The following ACCSL variants were observed in gnomAD, a reference collection of about 807,000 sequenced individuals.
ACCSL encodes the protein 1-aminocyclopropane-1-carboxylate synthase homolog (inactive) like.
A neutral mutation model predicts 61.7 loss-of-function variants in ACCSL; 55 were observed. That is an observed-to-expected ratio of 0.89 (90% CI 0.72 to 1.12). The LOEUF (loss-of-function observed/expected upper bound fraction) is 1.12. Among genes scored for constraint, ACCSL ranks in the 50% most tolerant of loss-of-function variants. The pLI is 0.00. For missense variants in ACCSL, 632 were observed against 698.0 expected (o/e 0.91, Z 1.07); for synonymous variants, 258 against 264.3 (o/e 0.98, Z 0.23).
At chr11:43,999,942 T>C in the ACCSL span, among the ~76,000 whole-genome samples, 2 of 152,306 alleles carry the variant, frequency 1.3e-5, no homozygotes, top group Admixed American at 1.3e-4. Context: ...ACATAGCATT[T>C]ACATTGTATT....
At chr11:43,970,479 C>T in the ACCSL span, among the ~76,000 whole-genome samples, 1 of 152,324 alleles carries the variant, frequency 6.6e-6, no homozygotes, top group South Asian at 2.1e-4. Flanking sequence ...GCTGGGATTA[C>T]AGACGTGGGC....
chr11:44,014,845 G>A, the ACCSL span, among the ~76,000 whole-genome samples: 3 of 152,206 alleles, frequency 2.0e-5, no homozygotes, highest in Admixed American at 6.5e-5. Flanking sequence ...AAAAGGTATG[G>A]GCCTGGGCCT....
chr11:44,024,876 A>G, the ACCSL span, among the ~76,000 whole-genome samples: 5 of 152,110 alleles, frequency 3.3e-5, no homozygotes, highest in African/African-American at 1.2e-4. Context: ...TGTTGGGTGC[A>G]TAGATGCATA....
chr11:44,044,790 C>T (rs1188640994), upstream of ACCSL, among the ~76,000 whole-genome samples: 1 of 152,186 alleles, frequency 6.6e-6, no homozygotes, highest in African/African-American at 2.4e-5. Flanking sequence ...TTTCTCCTTC[C>T]CAACTTCTGT....
At chr11:43,998,553 G>C in the ACCSL span, among the ~76,000 whole-genome samples, 1 of 152,128 alleles carries the variant, frequency 6.6e-6, no homozygotes, top group Non-Finnish European at 1.5e-5. Flanking sequence ...AGGCTCCAGG[G>C]CCAGGCACCA....
the ACCSL span, among the ~76,000 whole-genome samples, chr11:44,022,468 T>C: frequency 5.3e-4 from 80 of 152,310 alleles, 1 homozygote; most frequent in Non-Finnish European, 5.9e-5. Flanking sequence ...TGATTTTGTA[T>C]CTTGAAACTT....
At chr11:44,047,953 A>ATCTG, upstream of ACCSL, 1 of 1,501,750 alleles carries the variant, frequency 6.7e-7, no homozygotes, top group Non-Finnish European at 8.9e-7. Flanking sequence ...AGGGTCCAGG[A>ATCTG]GATCCTCCTT....
the ACCSL span, among the ~76,000 whole-genome samples, chr11:43,983,788 T>C: frequency 2.0e-5 from 3 of 152,030 alleles, no homozygotes; most frequent in Non-Finnish European, 4.4e-5. Flanking sequence ...GTGACCTCCT[T>C]GGAGCCCCAA....
At chr11:44,030,255 G>C in the ACCSL span, among the ~76,000 whole-genome samples, 1 of 150,504 alleles carries the variant, frequency 6.6e-6, no homozygotes, top group African/African-American at 2.4e-5. Flanking sequence ...CAACAAATTT[G>C]AGGAGTCTTG....
At chr11:43,978,814 T>TA in the ACCSL span, among the ~76,000 whole-genome samples, 1 of 88,794 alleles carries the variant, frequency 1.1e-5, no homozygotes, top group Non-Finnish European at 2.3e-5. Flanking sequence ...TTTTTTTTTT[T>TA]ACCAATAAAA....
At chr11:43,936,387 A>C in the ACCSL span, among the ~76,000 whole-genome samples, 1 of 152,226 alleles carries the variant, frequency 6.6e-6, no homozygotes, top group African/African-American at 2.4e-5. Context: ...GGAGGAGATC[A>C]TAAAAGCAAA....
the ACCSL span, among the ~76,000 whole-genome samples, chr11:43,979,718 A>T: frequency 6.6e-6 from 1 of 151,994 alleles, no homozygotes; most frequent in Non-Finnish European, 1.5e-5. Flanking sequence ...GTGGTGGTGC[A>T]TGCCTGTAGT....
At chr11:43,965,451 G>C in the ACCSL span, among the ~76,000 whole-genome samples, 6 of 152,204 alleles carry the variant, frequency 3.9e-5, no homozygotes, top group African/African-American at 1.2e-4. Context: ...AGGAAATAAA[G>C]AACACCTGAG....
chr11:43,940,561 CGTGTTAGCCAGGA>C, the ACCSL span, among the ~76,000 whole-genome samples: 1 of 151,214 alleles, frequency 6.6e-6, no homozygotes, highest in Non-Finnish European at 1.5e-5. Context: ...GGGGTTTCAC[CGTGTTAGCCAGGA>C]TGGTCTCGAT....
intron 8 of ACCSL, 93 bp from the exon 9 acceptor site, chr11:44,055,109 C>T (rs559359773): frequency 1.6e-5 from 14 of 892,274 alleles, no homozygotes; most frequent in South Asian, 3.4e-5. Context: ...AAAGACATGA[C>T]TTAAGATTAC....
the ACCSL span, among the ~76,000 whole-genome samples, chr11:43,956,098 A>G: frequency 6.6e-6 from 1 of 152,168 alleles, no homozygotes; most frequent in African/African-American, 2.4e-5. Flanking sequence ...ATAGAAAAAA[A>G]AAAAAAAAAG....
At chr11:44,057,254 A>G (rs1952677262) in intron 11 of ACCSL, among the ~76,000 whole-genome samples, 1 of 152,276 alleles carries the variant, frequency 6.6e-6, no homozygotes, top group South Asian at 2.1e-4. Context: ...GTAATAGAAC[A>G]GATACCAAGC....
chr11:44,029,701 G>C, the ACCSL span, among the ~76,000 whole-genome samples: 3,595 of 152,188 alleles, frequency 0.024, 154 homozygotes, highest in African/African-American at 0.082. Context: ...TAATTTCAAA[G>C]AGTCCATAAC....
At chr11:43,965,456 C>T in the ACCSL span, among the ~76,000 whole-genome samples, 1 of 152,044 alleles carries the variant, frequency 6.6e-6, no homozygotes, top group Non-Finnish European at 1.5e-5. Context: ...ATAAAGAACA[C>T]CTGAGTAAAT....
Sources: allele counts gnomAD v4.1 joint callset (sites outside exome capture counted in the v4.1 genomes callset), GRCh38; gene constraint gnomAD v4.1.1; transcripts MANE v1.5; gene names NCBI Gene and HGNC (gene_info 2026-07-23, HGNC 2026-07-21).